The following LAMA2 variants were observed in gnomAD, a reference collection of about 807,000 sequenced individuals.
LAMA2 encodes the protein laminin subunit alpha 2, also known as laminin subunit alpha-2.
In LAMA2, 269 loss-of-function variants were observed where a neutral mutation model predicts 364.8. That is an observed-to-expected ratio of 0.74 (90% CI 0.67 to 0.82). LAMA2 has a LOEUF of 0.82. Among genes scored for constraint, LAMA2 ranks in the 40% least tolerant of loss-of-function variants. The probability of loss-of-function intolerance (pLI) is 0.00; values close to 1 mark genes in which losing one functional copy is unlikely to be tolerated. For missense variants in LAMA2, 3,807 were observed against 3,873.2 expected (o/e 0.98, Z 0.45); for synonymous variants, 1,379 against 1,370.6 (o/e 1.01, Z -0.14).
intron 15 of LAMA2, among the ~76,000 whole-genome samples, chr6:129,261,934 C>A (rs1381980924): frequency 2.0e-5 from 3 of 152,042 alleles, no homozygotes; most frequent in Admixed American, 6.6e-5. Flanking sequence ...ATAAAATACA[C>A]AATGTATTTG....
chr6:129,330,607 T>TC (rs947088475), intron 29 of LAMA2, among the ~76,000 whole-genome samples: 3 of 149,110 alleles, frequency 2.0e-5, no homozygotes, highest in African/African-American at 7.4e-5. Context: ...TGTTTTTTTT[T>TC]TTTTTTTTCC....
chr6:129,094,089 T>C (rs2114865186), intron 3 of LAMA2, among the ~76,000 whole-genome samples: 1 of 152,300 alleles, frequency 6.6e-6, no homozygotes, highest in Non-Finnish European at 1.5e-5. Context: ...GTTATTTTAT[T>C]AGGGCCATTA....
chr6:128,897,026 G>A (rs1469255284), intron 1 of LAMA2, among the ~76,000 whole-genome samples: 2 of 152,186 alleles, frequency 1.3e-5, no homozygotes, highest in African/African-American at 4.8e-5. Flanking sequence ...TAACAGAAGA[G>A]AAAACTGAAA....
At chr6:129,194,674 C>T (rs773613762) in intron 12 of LAMA2, among the ~76,000 whole-genome samples, 5 of 152,078 alleles carry the variant, frequency 3.3e-5, no homozygotes, top group Non-Finnish European at 5.9e-5. Flanking sequence ...TTTAATGTAA[C>T]GTGGAAGCCC....
At chr6:129,058,460 G>A (rs1461957872) in intron 2 of LAMA2, among the ~76,000 whole-genome samples, 2 of 152,134 alleles carry the variant, frequency 1.3e-5, no homozygotes, top group African/African-American at 2.4e-5. Flanking sequence ...AATTGGTCCT[G>A]TTCTTATATG....
intron 1 of LAMA2, among the ~76,000 whole-genome samples, chr6:128,890,232 C>A (rs1776370978): frequency 6.6e-6 from 1 of 152,068 alleles, no homozygotes; most frequent in African/African-American, 2.4e-5. Context: ...CGTAGCAGAG[C>A]TGTTTAGTAG....
chr6:129,505,281 G>T lies in LAMA2; in HGVS notation c.8629G>T (p.Asp2877Tyr). 1 of 1,613,850 alleles carries T rather than the reference G, an allele frequency of 6.2e-7. No homozygotes were observed. The highest frequency in any genetic ancestry group is 8.5e-7 in the Non-Finnish European group (1 of 1,179,794). ...CAGAACCATCAGTCCCAAAAAAGCC[G>T]ACATCCTGGATGTCGTGGGAATGCT... is the stretch of plus-strand genomic sequence containing the variant. The part of the protein sequence containing the change: ...SNRTISPKKA[D>Y]ILDVVGMLYV... Residue 2877 changes from aspartate to tyrosine, a missense_variant, in exon 61 of 65, where the codon GAC becomes TAC. Physicochemically the swap from Asp to Tyr is radical, Grantham distance 160 (BLOSUM62 -3). This residue lies in a region of LAMA2 where 3,333 missense variants were observed against 3,345.7 expected (regional missense o/e 1.00). Coordinates refer to ENST00000421865, the MANE Select transcript of LAMA2 (RefSeq NM_000426.4).
At chr6:128,895,855 G>A (rs750028752) in intron 1 of LAMA2, among the ~76,000 whole-genome samples, 2 of 152,054 alleles carry the variant, frequency 1.3e-5, no homozygotes, top group Non-Finnish European at 1.5e-5. Flanking sequence ...AGCCTTTGAA[G>A]TTTTGTGATT....
chr6:129,206,977 AT>A (rs1782719849), intron 12 of LAMA2, among the ~76,000 whole-genome samples: 1 of 152,334 alleles, frequency 6.6e-6, no homozygotes. Context: ...GTAATAGCTT[AT>A]TATGATGATA....
chr6:129,129,549 A>T (rs1288415285), intron 4 of LAMA2, among the ~76,000 whole-genome samples: 1 of 152,188 alleles, frequency 6.6e-6, no homozygotes, highest in African/African-American at 2.4e-5. Flanking sequence ...AGGGATATAT[A>T]AGTATAAGGG....
intron 31 of LAMA2, among the ~76,000 whole-genome samples, chr6:129,350,888 A>G (rs1283886705): frequency 5.3e-5 from 8 of 152,236 alleles, no homozygotes; most frequent in Non-Finnish European, 1.5e-5. Flanking sequence ...CTCTAAACAC[A>G]GTATCCAATA....
intron 4 of LAMA2, among the ~76,000 whole-genome samples, chr6:129,142,536 G>A (rs534402577): frequency 1.3e-5 from 2 of 152,062 alleles, no homozygotes; most frequent in Non-Finnish European, 2.9e-5. Flanking sequence ...TTAGTAGGGG[G>A]GAGGCAAACA....
At chr6:129,054,793 G>A (rs1788351360) in intron 2 of LAMA2, among the ~76,000 whole-genome samples, 1 of 149,706 alleles carries the variant, frequency 6.7e-6, no homozygotes, top group South Asian at 2.1e-4. Context: ...ACACTAGAAA[G>A]GCAAGAAATA....
At chr6:129,504,384 A>G (rs1197483914) in intron 60 of LAMA2, among the ~76,000 whole-genome samples, 1 of 152,230 alleles carries the variant, frequency 6.6e-6, no homozygotes. Flanking sequence ...TAATTAGTCA[A>G]ATTAATAACG....
At chr6:129,423,415 C>T (rs1781175379) in intron 40 of LAMA2, among the ~76,000 whole-genome samples, 1 of 151,902 alleles carries the variant, frequency 6.6e-6, no homozygotes, top group Non-Finnish European at 1.5e-5. Context: ...AGCATAAAAT[C>T]CTGGTGGTTC....
At chr6:129,106,527 A>C (rs1414934897) in intron 4 of LAMA2, among the ~76,000 whole-genome samples, 3 of 152,092 alleles carry the variant, frequency 2.0e-5, no homozygotes, top group East Asian at 3.9e-4. Context: ...TTAGGTAAAT[A>C]ATTATTTGGG....
At chr6:129,472,771 T>C (rs182383139) in intron 51 of LAMA2, among the ~76,000 whole-genome samples, 6 of 152,038 alleles carry the variant, frequency 3.9e-5, no homozygotes, top group Non-Finnish European at 7.4e-5. Context: ...TGAGTCTAAA[T>C]CCCAGTAGTT....
At chr6:129,362,025 C>CT (rs1369876838) in intron 32 of LAMA2, among the ~76,000 whole-genome samples, 1 of 151,914 alleles carries the variant, frequency 6.6e-6, no homozygotes, top group Non-Finnish European at 1.5e-5. Context: ...CTCAAGTGAT[C>CT]TGCCCATCTC....
intron 37 of LAMA2, among the ~76,000 whole-genome samples, chr6:129,400,892 A>G (rs978520819): frequency 6.6e-6 from 1 of 152,254 alleles, no homozygotes; most frequent in African/African-American, 2.4e-5. Flanking sequence ...TGTAGTACCA[A>G]TATAACTATT....
Sources: allele counts gnomAD v4.1 joint callset (sites outside exome capture counted in the v4.1 genomes callset), GRCh38; gene constraint gnomAD v4.1.1; regional missense constraint gnomAD v4.1.1; transcripts MANE v1.5; gene names NCBI Gene and HGNC (gene_info 2026-07-23, HGNC 2026-07-21).